Variants in NELL1 observed in about 807,000 individuals in gnomAD.
NELL1 encodes neural EGFL like 1.
Under a neutral mutation model 107.4 loss-of-function variants are expected in NELL1, and 76 were observed. The ratio of observed to expected loss-of-function variants is 0.71; its 90% CI spans 0.59 to 0.86. NELL1 has a LOEUF of 0.86. Among genes scored for constraint, NELL1 ranks in the 40% least tolerant of loss-of-function variants. The pLI is 0.00. For missense variants in NELL1, 1,024 were observed against 1,005.5 expected (o/e 1.02, Z -0.25); for synonymous variants, 353 against 341.2 (o/e 1.03, Z -0.38).
intron 2 of NELL1, among the ~76,000 whole-genome samples, chr11:20,753,238 G>T (rs1466156063): frequency 6.6e-6 from 1 of 152,174 alleles, no homozygotes; most frequent in Non-Finnish European, 1.5e-5. Flanking sequence ...TGTGCTAATG[G>T]CTTCTATGCT....
chr11:20,809,729 C>T (rs1857459303), intron 3 of NELL1, among the ~76,000 whole-genome samples: 1 of 152,124 alleles, frequency 6.6e-6, no homozygotes, highest in African/African-American at 2.4e-5. Flanking sequence ...AATACTATTC[C>T]ATTGTGTGTA....
chr11:20,774,681 GT>G (rs1856714430), intron 2 of NELL1, among the ~76,000 whole-genome samples: 1 of 152,166 alleles, frequency 6.6e-6, no homozygotes, highest in Non-Finnish European at 1.5e-5. Context: ...CTCAGTAAGG[GT>G]TTTTAAAGTT....
chr11:21,441,105 C>A (rs145942785), intron 15 of NELL1, among the ~76,000 whole-genome samples: 61 of 152,224 alleles, frequency 4.0e-4, no homozygotes, highest in African/African-American at 1.4e-3. Context: ...CCTCCTACAT[C>A]TCAACTACTG....
intron 13 of NELL1, among the ~76,000 whole-genome samples, chr11:21,121,936 AAAT>A (rs1477428041): frequency 6.6e-6 from 1 of 152,202 alleles, no homozygotes; most frequent in Non-Finnish European, 1.5e-5. Context: ...AGTAGTGTTA[AAAT>A]AATGTTAGGG....
chr11:21,326,656 G>A (rs917372599), intron 14 of NELL1, among the ~76,000 whole-genome samples: 1 of 151,860 alleles, frequency 6.6e-6, no homozygotes, highest in African/African-American at 2.4e-5. Flanking sequence ...TTAATAGGGT[G>A]CAAATTTGCT....
Position 20,919,275 on chromosome 11 carries a change from T to G in NELL1, c.700T>G (p.Leu234Val), listed in dbSNP as rs1850326130. The G allele has an allele frequency of 1.2e-6, 2 of 1,605,482 alleles. No individual in the cohort carries two copies. Among genetic ancestry groups the G allele is most frequent in the South Asian group, 1.1e-5 (1 of 89,506 alleles). The stretch of plus-strand genomic sequence containing the variant: ...AGCTTGCCCAACCTGCAGTGATTTC[T>G]TAAGCCTGGTGCAAGGAATAATGGA... ...NHTCPTCSDF[L>V]SLVQGIMDLQ... is the part of the protein sequence containing the mutation. The change falls in exon 7 of 20, where the codon TTA (leucine) becomes GTA (valine). Residue 234 changes from leucine (L) to valine (V), a missense_variant. Leu to Val is a conservative substitution (Grantham distance 32). Coordinates refer to ENST00000357134, the MANE Select transcript of NELL1 (RefSeq NM_006157.5).
chr11:21,148,290 A>C (rs937637208), intron 13 of NELL1, among the ~76,000 whole-genome samples: 12 of 152,254 alleles, frequency 7.9e-5, no homozygotes, highest in African/African-American at 2.7e-4. Context: ...TGAATGAAGA[A>C]GGCTTCTCAG....
chr11:21,392,149 C>A (rs1332797952), intron 15 of NELL1, among the ~76,000 whole-genome samples: 1 of 151,808 alleles, frequency 6.6e-6, no homozygotes, highest in South Asian at 2.1e-4. Context: ...TATGTTCTGA[C>A]CTTTGTGGTA....
chr11:21,260,949 G>A (rs1848517177), intron 14 of NELL1, among the ~76,000 whole-genome samples: 1 of 151,706 alleles, frequency 6.6e-6, no homozygotes, highest in Non-Finnish European at 1.5e-5. Context: ...ATTAAGTGGA[G>A]GGAGGTTAGA....
At chr11:20,682,849 CT>C (rs1280216825) in intron 2 of NELL1, among the ~76,000 whole-genome samples, 2 of 151,892 alleles carry the variant, frequency 1.3e-5, no homozygotes, top group African/African-American at 4.8e-5. Flanking sequence ...ACAGTATGTG[CT>C]TTTTTGGTCT....
intron 15 of NELL1, among the ~76,000 whole-genome samples, chr11:21,518,671 C>A (rs961005694): frequency 1.3e-5 from 2 of 152,122 alleles, no homozygotes; most frequent in Admixed American, 1.3e-4. Flanking sequence ...CCCTGGCCAC[C>A]ACCAGGCTTG....
At chr11:21,272,971 CTG>C in intron 14 of NELL1, among the ~76,000 whole-genome samples, 1 of 152,310 alleles carries the variant, frequency 6.6e-6, no homozygotes, top group Admixed American at 6.5e-5. Flanking sequence ...AGCAGAAAAA[CTG>C]GAAACTCTAA....
At chr11:21,536,422 T>C (rs933801871) in intron 16 of NELL1, among the ~76,000 whole-genome samples, 1 of 152,194 alleles carries the variant, frequency 6.6e-6, no homozygotes, top group African/African-American at 2.4e-5. Flanking sequence ...TGAAACATGA[T>C]GATTCACATA....
intron 3 of NELL1, among the ~76,000 whole-genome samples, chr11:20,816,119 A>G (rs573771180): frequency 1.3e-5 from 2 of 152,014 alleles, no homozygotes; most frequent in Admixed American, 1.3e-4. Flanking sequence ...TTTGCTTAGT[A>G]TTGTTTTGGC....
At chr11:20,812,127 T>G (rs1857513528) in intron 3 of NELL1, among the ~76,000 whole-genome samples, 1 of 152,142 alleles carries the variant, frequency 6.6e-6, no homozygotes, top group South Asian at 2.1e-4. Flanking sequence ...ACCTAATTTG[T>G]TGAGAATTTT....
At chr11:21,341,643 C>G (rs1232288512) in intron 14 of NELL1, among the ~76,000 whole-genome samples, 1 of 152,162 alleles carries the variant, frequency 6.6e-6, no homozygotes, top group African/African-American at 2.4e-5. Context: ...GTTCCCCAGA[C>G]CAAGCCATTA....
chr11:21,193,440 A>C (rs1027375133), intron 13 of NELL1, among the ~76,000 whole-genome samples: 1 of 151,872 alleles, frequency 6.6e-6, no homozygotes, highest in Admixed American at 6.6e-5. Context: ...CATATATATA[A>C]GGCATTTTGT....
chr11:21,201,392 A>G (rs549394295), intron 13 of NELL1, among the ~76,000 whole-genome samples: 49 of 152,276 alleles, frequency 3.2e-4, no homozygotes, highest in African/African-American at 1.2e-3. Context: ...CTTTCTAGCA[A>G]TTGTGAATGG....
intron 2 of NELL1, among the ~76,000 whole-genome samples, chr11:20,718,032 T>A (rs1855294137): frequency 6.6e-6 from 1 of 152,212 alleles, no homozygotes; most frequent in Non-Finnish European, 1.5e-5. Context: ...TGCAGTTAGT[T>A]TTTTGGACTC....
Sources: allele counts gnomAD v4.1 joint callset (sites outside exome capture counted in the v4.1 genomes callset), GRCh38; gene constraint gnomAD v4.1.1; transcripts MANE v1.5; gene names NCBI Gene and HGNC (gene_info 2026-07-23, HGNC 2026-07-21).